The following CAGE1 variants were observed in gnomAD, a reference collection of about 807,000 sequenced individuals.
CAGE1 encodes the protein cancer antigen 1, also known as cancer-associated gene 1 protein.
A neutral mutation model predicts 94.9 loss-of-function variants in CAGE1; 66 were observed. The observed-to-expected ratio is 0.70, with a 90% CI of 0.57 to 0.85. CAGE1 has a LOEUF of 0.85. CAGE1 is among the 40% of genes least tolerant of loss of function. CAGE1 has a pLI of 0.00. For missense variants in CAGE1, 865 were observed against 950.4 expected (o/e 0.91, Z 1.18); for synonymous variants, 319 against 321.0 (o/e 0.99, Z 0.07).
At chr6:7,375,898 C>A (rs1760724701) in intron 4 of CAGE1, among the ~76,000 whole-genome samples, 1 of 152,120 alleles carries the variant, frequency 6.6e-6, no homozygotes, top group Non-Finnish European at 1.5e-5. Context: ...ATTACTGAGA[C>A]CTACAAGGCC....
intron 11 of CAGE1, among the ~76,000 whole-genome samples, chr6:7,345,082 A>C (rs370248677): frequency 6.6e-6 from 1 of 151,746 alleles, no homozygotes; most frequent in Non-Finnish European, 1.5e-5. Flanking sequence ...TTGTTCTTTC[A>C]CCCTGCAGTA....
intron 9 of CAGE1, among the ~76,000 whole-genome samples, chr6:7,356,901 A>G (rs909587621): frequency 1.3e-5 from 2 of 152,072 alleles, no homozygotes; most frequent in Non-Finnish European, 2.9e-5. Flanking sequence ...GGTTCAAGCA[A>G]TTCTCCTGCC....
intron 11 of CAGE1, among the ~76,000 whole-genome samples, chr6:7,347,193 C>A (rs574437594): frequency 2.0e-5 from 3 of 152,174 alleles, no homozygotes; most frequent in Admixed American, 1.3e-4. Flanking sequence ...AATCAGGAAT[C>A]CTGACAGGAC....
intron 12 of CAGE1, among the ~76,000 whole-genome samples, chr6:7,330,801 C>T (rs1204169454): frequency 6.6e-6 from 1 of 152,190 alleles, no homozygotes; most frequent in Non-Finnish European, 1.5e-5. Flanking sequence ...GCCCATCTCA[C>T]CCCCTGGCTT....
intron 10 of CAGE1, 21 bp downstream of exon 10, chr6:7,356,004 A>C: frequency 7.2e-7 from 1 of 1,390,258 alleles, no homozygotes; most frequent in Non-Finnish European, 1.0e-6. Flanking sequence ...CTCAAAATAC[A>C]AAAGAAAAAA....
chr6:7,342,651 C>T (rs960555932), intron 11 of CAGE1, among the ~76,000 whole-genome samples: 9 of 152,210 alleles, frequency 5.9e-5, no homozygotes, highest in Non-Finnish European at 1.3e-4. Context: ...CCACCCTTCT[C>T]CTCAATGAAT....
Position 7,373,322 on chromosome 6 carries a change from C to A in CAGE1, c.1497G>T (p.Leu499=). 6.2e-7 allele frequency: 1 copy of A among 1,609,484 alleles called. No homozygotes were observed. Among genetic ancestry groups the A allele is most frequent in the Non-Finnish European group, 8.5e-7 (1 of 1,178,298 alleles). The change falls in exon 5 of 14, where the codon CTG becomes CTT. Residue 499 remains leucine (L), a synonymous_variant. Transcript: ENST00000502583. ...EEFQKLEKEN[L]EERQKLKSRL... ...TAGATTTCAGTTTCTGTCTTTCTTC[C>A]AGGTTTTCCTTTTCAAGTTTCTGGA... is the stretch of plus-strand genomic sequence containing the variant.
In CAGE1 at chr6:7,371,151, TCAA is replaced by T. The variant is rs548209820; in HGVS notation, c.1747-1089_1747-1087del. On this transcript the variant is annotated intron_variant, in intron 5 of 13. Transcript: ENST00000502583. The stretch of plus-strand genomic sequence containing the variant: ...AAGTGTGGTCCCAGGAGCAGCAGCA[TCAA>T]CAACTGGGATCTTGCTAGAAATGCA... 2.6e-3 allele frequency among the ~76,000 whole-genome samples: 392 copies of T among 152,260 alleles called. 5 individuals carry two copies. Among genetic ancestry groups the T allele is most frequent in the African/African-American group, 8.7e-3 (361 of 41,572 alleles).
At chr6:7,355,176 G>C in intron 10 of CAGE1, 65 bp from the exon 11 acceptor site, 1 of 1,112,322 alleles carries the variant, frequency 9.0e-7, no homozygotes, top group Non-Finnish European at 1.3e-6. Flanking sequence ...TCTTTTTTAT[G>C]ACTACAAGTT....
At chr6:7,333,794 A>C (rs1406624996) in intron 12 of CAGE1, among the ~76,000 whole-genome samples, 1 of 61,106 alleles carries the variant, frequency 1.6e-5, no homozygotes, top group Non-Finnish European at 3.1e-5. Flanking sequence ...TCAGCCCCCC[A>C]GTAGCTGGGA....
intron 11 of CAGE1, among the ~76,000 whole-genome samples, chr6:7,335,919 A>G (rs560300745): frequency 2.6e-5 from 4 of 152,342 alleles, no homozygotes; most frequent in Admixed American, 2.0e-4. Flanking sequence ...AGATTTTTAC[A>G]GAATTATCTT....
chr6:7,366,600 T>A (rs1760345388), intron 7 of CAGE1, among the ~76,000 whole-genome samples: 1 of 152,184 alleles, frequency 6.6e-6, no homozygotes, highest in South Asian at 2.1e-4. Flanking sequence ...CTAAGAAGCC[T>A]CGCTGGTAGA....
At chr6:7,366,656 A>G (rs983373965) in intron 7 of CAGE1, among the ~76,000 whole-genome samples, 6 of 152,126 alleles carry the variant, frequency 3.9e-5, no homozygotes, top group African/African-American at 1.4e-4. Context: ...GGGGGAACGA[A>G]ATGCATCCTG....
At chr6:7,361,759 A>G (rs1760173965) in intron 9 of CAGE1, among the ~76,000 whole-genome samples, 1 of 152,238 alleles carries the variant, frequency 6.6e-6, no homozygotes, top group Admixed American at 6.5e-5. Context: ...TATCAGAAGG[A>G]CTACTGTAAA....
At chr6:7,344,656 A>C (rs1247264615) in intron 11 of CAGE1, among the ~76,000 whole-genome samples, 1 of 152,224 alleles carries the variant, frequency 6.6e-6, no homozygotes, top group Non-Finnish European at 1.5e-5. Context: ...TGCCGGATCC[A>C]CTGGGTGAAG....
chr6:7,361,332 G>T (rs1274447999), intron 9 of CAGE1, among the ~76,000 whole-genome samples: 1 of 152,222 alleles, frequency 6.6e-6, no homozygotes, highest in East Asian at 1.9e-4. Flanking sequence ...TTCTGCAAGG[G>T]CCAAGAAAGT....
intron 9 of CAGE1, among the ~76,000 whole-genome samples, chr6:7,361,422 C>T (rs1760162711): frequency 6.6e-6 from 1 of 152,032 alleles, no homozygotes; most frequent in East Asian, 1.9e-4. Flanking sequence ...GAATTTATAA[C>T]CAACATAAAA....
At chr6:7,356,413 C>A (rs1759955504) in intron 9 of CAGE1, among the ~76,000 whole-genome samples, 2 of 152,168 alleles carry the variant, frequency 1.3e-5, no homozygotes, top group South Asian at 4.2e-4. Context: ...TATTTATCAG[C>A]CCCAAATCTT....
rs1437062522 is a variant in CAGE1 at position 7,389,672 on chromosome 6, G to C, written c.-494C>G. The C allele has an allele frequency of 7.0e-6, 3 of 431,008 alleles. No homozygotes were observed. The highest frequency in any genetic ancestry group is 1.3e-5 in the Non-Finnish European group (3 of 232,528). The allele number at this position is 431,008 out of a possible 1,614,324, so 26.7% of individuals were successfully genotyped here. ...GGCCAGCACGGGCCTCGCCGTGCCG[G>C]CTACTCAACACGCCTTCCTGAGAGC... On this transcript the variant is annotated 5_prime_UTR_variant, in exon 1 of 14. Coordinates refer to ENST00000502583, the MANE Select transcript of CAGE1 (RefSeq NM_001170692.2).
Sources: gnomAD v4.1 joint callset for allele counts (sites outside exome capture counted in the v4.1 genomes callset) on GRCh38, gnomAD v4.1.1 for gene constraint, MANE v1.5 for transcripts, NCBI Gene and HGNC (gene_info 2026-07-23, HGNC 2026-07-21) for gene names.